STXBP5L: variants seen among roughly 807,000 people sequenced by gnomAD.
The protein encoded by STXBP5L is syntaxin binding protein 5L.
A neutral mutation model predicts 144.5 loss-of-function variants in STXBP5L; 65 were observed. The observed-to-expected ratio is 0.45, with a 90% CI of 0.37 to 0.55. The LOEUF is 0.55. STXBP5L is among the 20% of genes least tolerant of loss of function. The pLI is 0.00. For missense variants in STXBP5L, 1,298 were observed against 1,405.5 expected, an observed-to-expected ratio of 0.92 and a Z score of 1.22; for synonymous variants, 505 against 469.6, an observed-to-expected ratio of 1.08 and a Z score of -0.97.
chr3:120,965,832 G>A (rs1939501595), intron 3 of STXBP5L, among the ~76,000 whole-genome samples: 1 of 152,110 alleles, frequency 6.6e-6, no homozygotes, highest in African/African-American at 2.4e-5. Flanking sequence ...TGTCTTGCTA[G>A]GTTGGGGAAA....
intron 10 of STXBP5L, among the ~76,000 whole-genome samples, chr3:121,222,372 A>G (rs955397645): frequency 6.6e-6 from 1 of 152,150 alleles, no homozygotes; most frequent in Non-Finnish European, 1.5e-5. Flanking sequence ...AGCAAGATAT[A>G]TGGAGTTTAT....
At chr3:121,026,989 C>T (rs1329681350) in intron 3 of STXBP5L, among the ~76,000 whole-genome samples, 2 of 151,912 alleles carry the variant, frequency 1.3e-5, no homozygotes, top group Non-Finnish European at 2.9e-5. Context: ...TGTTGATTCT[C>T]AGTTGCCTTC....
intron 6 of STXBP5L, among the ~76,000 whole-genome samples, 179 bp from the exon 7 acceptor site, chr3:121,121,462 T>C (rs2044460603): frequency 6.6e-6 from 1 of 151,330 alleles, no homozygotes; most frequent in Admixed American, 6.6e-5. Context: ...AGTTTGCAAT[T>C]AGTAAACAGA....
chr3:121,408,241 C>T (rs771840497), intron 23 of STXBP5L, among the ~76,000 whole-genome samples: 6 of 151,782 alleles, frequency 4.0e-5, no homozygotes, highest in South Asian at 2.1e-4. Context: ...ATAAAATTTA[C>T]GAGACACAAA....
At chr3:121,403,662 A>G (rs1025504683) in intron 22 of STXBP5L, among the ~76,000 whole-genome samples, 5 of 152,212 alleles carry the variant, frequency 3.3e-5, no homozygotes, top group African/African-American at 4.8e-5. Flanking sequence ...ATGTGTGATA[A>G]ATAAGTAATT....
At chr3:121,159,235 T>C (rs1003549012) in intron 9 of STXBP5L, among the ~76,000 whole-genome samples, 9 of 152,072 alleles carry the variant, frequency 5.9e-5, no homozygotes, top group Non-Finnish European at 1.2e-4. Context: ...ATATTTAGTT[T>C]GAGATATTTT....
chr3:121,071,170 A>G (rs1406596763), intron 5 of STXBP5L, among the ~76,000 whole-genome samples: 2 of 152,208 alleles, frequency 1.3e-5, no homozygotes, highest in African/African-American at 4.8e-5. Context: ...TACTAATATG[A>G]TTAAGCTTAT....
intron 2 of STXBP5L, among the ~76,000 whole-genome samples, chr3:120,949,094 G>T (rs917808018): frequency 3.3e-5 from 5 of 151,532 alleles, no homozygotes; most frequent in African/African-American, 1.2e-4. Context: ...TTTAAATTAT[G>T]GTCAGTCTTG....
chr3:121,138,225 T>C (rs1324798322), intron 7 of STXBP5L, among the ~76,000 whole-genome samples: 1 of 151,962 alleles, frequency 6.6e-6, no homozygotes, highest in African/African-American at 2.4e-5. Context: ...GGTCTCTACA[T>C]TGGAAATTAT....
In STXBP5L at chr3:120,966,681, C is replaced by G. The variant is rs1939618681; in HGVS notation, c.287+11644C>G. The stretch of plus-strand genomic sequence containing the variant: ...TGATCCTTCCTCTGGAAGCTTCATC[C>G]CAGAGTGGCAGCTGTCTATATGAGG... On this transcript the variant is annotated intron_variant, in intron 3 of 26. Coordinates refer to ENST00000471454, the MANE Select transcript of STXBP5L (RefSeq NM_001308330.2). Among the ~76,000 whole-genome samples the G allele has an allele frequency of 2.0e-5, 3 of 152,072 alleles. No homozygotes were observed. In the South Asian group the frequency reaches 6.2e-4, roughly 32 times the overall value.
chr3:121,026,292 A>G (rs770752252), intron 3 of STXBP5L, among the ~76,000 whole-genome samples: 5 of 151,898 alleles, frequency 3.3e-5, no homozygotes, highest in Non-Finnish European at 7.4e-5. Context: ...CACCTGGATT[A>G]TTGCCTGGTT....
intron 20 of STXBP5L, among the ~76,000 whole-genome samples, chr3:121,334,023 G>T (rs749132825): frequency 6.6e-6 from 1 of 152,026 alleles, no homozygotes; most frequent in Admixed American, 6.6e-5. Context: ...TGCTCTCGTG[G>T]GGAGCAGTCT....
intron 22 of STXBP5L, among the ~76,000 whole-genome samples, chr3:121,393,343 T>C (rs556470657): frequency 6.6e-6 from 1 of 152,202 alleles, no homozygotes; most frequent in African/African-American, 2.4e-5. Flanking sequence ...CTTTGTCAGA[T>C]GCATTGTTGG....
intron 12 of STXBP5L, 59 bp from the exon 13 acceptor site, chr3:121,238,912 A>T: frequency 7.0e-7 from 1 of 1,428,516 alleles, no homozygotes; most frequent in Non-Finnish European, 9.4e-7. Flanking sequence ...ACTTTATCAA[A>T]ATTATTTTCT....
intron 14 of STXBP5L, among the ~76,000 whole-genome samples, chr3:121,242,148 T>C (rs1463807517): frequency 6.6e-6 from 1 of 151,682 alleles, no homozygotes; most frequent in Non-Finnish European, 1.5e-5. Context: ...AAAAAGTAGC[T>C]AAAGGAAGTT....
intron 11 of STXBP5L, among the ~76,000 whole-genome samples, chr3:121,225,625 T>C (rs1168257466): frequency 6.6e-6 from 1 of 152,058 alleles, no homozygotes; most frequent in African/African-American, 2.4e-5. Flanking sequence ...TAGATGAATT[T>C]AGAACTCTAC....
chr3:121,390,140 A>G (rs1479876904), intron 22 of STXBP5L, among the ~76,000 whole-genome samples: 1 of 152,118 alleles, frequency 6.6e-6, no homozygotes, highest in Admixed American at 6.5e-5. Context: ...CCATTATGTA[A>G]TGGCCTTCTT....
intron 9 of STXBP5L, among the ~76,000 whole-genome samples, chr3:121,168,950 T>A (rs978080448): frequency 2.6e-5 from 4 of 152,124 alleles, no homozygotes; most frequent in African/African-American, 9.7e-5. Context: ...AAAGGTCAGG[T>A]TACCCACAAA....
At chr3:121,391,311 T>A (rs2046577799) in intron 22 of STXBP5L, among the ~76,000 whole-genome samples, 1 of 152,188 alleles carries the variant, frequency 6.6e-6, no homozygotes, top group Non-Finnish European at 1.5e-5. Flanking sequence ...GCTTTTTACC[T>A]TCCTTGCAAT....
Sources: allele counts gnomAD v4.1 joint callset (sites outside exome capture counted in the v4.1 genomes callset), GRCh38; gene constraint gnomAD v4.1.1; transcripts MANE v1.5; gene names NCBI Gene and HGNC (gene_info 2026-07-23, HGNC 2026-07-21).